The following DENND1B variants were observed in gnomAD, a reference collection of about 807,000 sequenced individuals.
DENND1B encodes DENN domain containing 1B.
DENND1B carries 59 observed loss-of-function variants against 90.1 expected under a neutral mutation model. The observed-to-expected ratio is 0.65, with a 90% CI of 0.53 to 0.81. DENND1B has a LOEUF of 0.81. Among genes scored for constraint, DENND1B ranks in the 40% least tolerant of loss-of-function variants. The pLI, the probability that DENND1B is intolerant of heterozygous loss-of-function variation, is 0.00. For synonymous variants in DENND1B, 337 were observed against 324.6 expected (o/e 1.04, Z -0.41); for missense variants, 862 against 912.6 (o/e 0.94, Z 0.71).
At chr1:197,578,547 A>C (rs1009016590) in intron 15 of DENND1B, among the ~76,000 whole-genome samples, 4 of 152,126 alleles carry the variant, frequency 2.6e-5, no homozygotes, top group African/African-American at 9.7e-5. Context: ...GCCCGGCCTA[A>C]AAAAGTAGAT....
intron 9 of DENND1B, 59 bp downstream of exon 9, chr1:197,645,631 A>C: frequency 9.1e-7 from 1 of 1,103,832 alleles, no homozygotes. Flanking sequence ...AAACAGTGAG[A>C]CCAAAATAAA....
Position 197,665,934 on chromosome 1 carries a change from T to C in DENND1B, c.296+6103A>G, listed in dbSNP as rs1654895256. 2.6e-5 allele frequency among the ~76,000 whole-genome samples: 4 copies of C among 152,276 alleles called. No homozygotes were observed. The South Asian group carries it at 8.3e-4, about 32-fold the overall frequency. On this transcript the variant is annotated intron_variant, in intron 5 of 22. Transcript: ENST00000620048. ...ATCTTAATTCCTTTGCTTCTGACAATGAACTCTGGATAATCAAGCCATTAT... is the reference window on the plus strand; with the variant it reads ...ATCTTAATTCCTTTGCTTCTGACAACGAACTCTGGATAATCAAGCCATTAT...
intron 5 of DENND1B, among the ~76,000 whole-genome samples, chr1:197,666,295 C>A (rs1222784812): frequency 6.6e-6 from 1 of 152,146 alleles, no homozygotes; most frequent in African/African-American, 2.4e-5. Context: ...ATTCATTTTG[C>A]AAACTGTGAA....
At chr1:197,718,594 T>C (rs551832768) in intron 2 of DENND1B, among the ~76,000 whole-genome samples, 1 of 152,018 alleles carries the variant, frequency 6.6e-6, no homozygotes, top group Non-Finnish European at 1.5e-5. Context: ...ATTTTTATGA[T>C]ACTAGAAGAA....
chr1:197,746,082 T>C (rs189761165), intron 2 of DENND1B, among the ~76,000 whole-genome samples: 1 of 152,290 alleles, frequency 6.6e-6, no homozygotes, highest in African/African-American at 2.4e-5. Flanking sequence ...AAACGTGTAG[T>C]TACACTGGAT....
chr1:197,535,010 C>T (rs897489265), intron 20 of DENND1B, among the ~76,000 whole-genome samples: 1 of 152,150 alleles, frequency 6.6e-6, no homozygotes, highest in Non-Finnish European at 1.5e-5. Flanking sequence ...GAAAAGTGAA[C>T]CAAAGAAGCT....
chr1:197,716,656 A>G (rs1660675668), intron 2 of DENND1B, among the ~76,000 whole-genome samples: 1 of 151,968 alleles, frequency 6.6e-6, no homozygotes, highest in Non-Finnish European at 1.5e-5. Context: ...TTATCTTCAT[A>G]AAGTAATACA....
In DENND1B at chr1:197,602,828, G is replaced by C. The variant is rs554626077; in HGVS notation, c.921+4245C>G. Among the ~76,000 whole-genome samples, 136 of 151,452 alleles carry C rather than the reference G, an allele frequency of 9.0e-4. 1 individual carries two copies. Among genetic ancestry groups the C allele is most frequent in the African/African-American group, 3.0e-3 (124 of 41,440 alleles). ...CTTGAATGTAGATATTCAAATATTT[G>C]ATATCAGAATTTTAGAGGTTTTCTC... On this transcript the variant is annotated intron_variant, in intron 13 of 22. Coordinates refer to ENST00000620048, the MANE Select transcript of DENND1B (RefSeq NM_001195215.2).
At chr1:197,644,588 C>T (rs1427093898) in intron 9 of DENND1B, among the ~76,000 whole-genome samples, 1 of 151,900 alleles carries the variant, frequency 6.6e-6, no homozygotes, top group African/African-American at 2.4e-5. Context: ...ACCTGGCCTA[C>T]AGTGTACAGC....
intron 18 of DENND1B, among the ~76,000 whole-genome samples, chr1:197,544,709 G>T (rs1362320201): frequency 9.5e-6 from 1 of 105,636 alleles, no homozygotes; most frequent in Non-Finnish European, 2.5e-5. Context: ...TGAAGATGAA[G>T]AGGAAGAGGA....
chr1:197,561,119 G>A (rs1040910027), intron 15 of DENND1B, among the ~76,000 whole-genome samples: 2 of 151,588 alleles, frequency 1.3e-5, no homozygotes, highest in Non-Finnish European at 2.9e-5. Context: ...TTCTTCTCTT[G>A]ACCCCACTTA....
At chr1:197,699,715 C>T (rs1658827267) in intron 3 of DENND1B, among the ~76,000 whole-genome samples, 2 of 152,166 alleles carry the variant, frequency 1.3e-5, no homozygotes, top group South Asian at 4.1e-4. Context: ...TCAGCAAAGT[C>T]TCAGGATACA....
At chr1:197,619,348 C>T (rs944065108) in intron 10 of DENND1B, among the ~76,000 whole-genome samples, 9 of 151,222 alleles carry the variant, frequency 6.0e-5, no homozygotes, top group Non-Finnish European at 1.3e-4. Flanking sequence ...TCTCCAAGAG[C>T]TCTCAGGTAC....
chr1:197,557,170 C>T (rs1043081968), intron 15 of DENND1B, among the ~76,000 whole-genome samples: 13 of 151,892 alleles, frequency 8.6e-5, no homozygotes, highest in Non-Finnish European at 1.6e-4. Context: ...GACTTGCACA[C>T]ATTTGTAACA....
Position 197,585,209 on chromosome 1 carries a change from C to T in DENND1B, c.1048-1956G>A, listed in dbSNP as rs6703514. Among the ~76,000 whole-genome samples, 898 of 152,238 alleles carry T rather than the reference C, an allele frequency of 5.9e-3. 13 individuals carry two copies. Among genetic ancestry groups the T allele is most frequent in the African/African-American group, 0.02 (840 of 41,540 alleles). ...TGGGAGCCCGATAAATGTTTTATGACTGAATTTTAAAAATAAAATAAAAAT... is the reference window on the plus strand; with the variant it reads ...TGGGAGCCCGATAAATGTTTTATGATTGAATTTTAAAAATAAAATAAAAAT... On this transcript the variant is annotated intron_variant, in intron 14 of 22. Transcript: ENST00000620048.
chr1:197,587,073 T>C (rs369720880), intron 14 of DENND1B, among the ~76,000 whole-genome samples: 2 of 152,194 alleles, frequency 1.3e-5, no homozygotes, highest in Admixed American at 6.5e-5. Flanking sequence ...CATGAAGATA[T>C]GTAGCACAAA....
chr1:197,687,828 T>C (rs1431325108), intron 3 of DENND1B, among the ~76,000 whole-genome samples: 1 of 151,904 alleles, frequency 6.6e-6, no homozygotes, highest in East Asian at 1.9e-4. Flanking sequence ...AATTCGGCAA[T>C]AAAAAGAAAT....
At chr1:197,635,964 T>C (rs1679749990) in intron 10 of DENND1B, among the ~76,000 whole-genome samples, 1 of 149,742 alleles carries the variant, frequency 6.7e-6, no homozygotes, top group African/African-American at 2.5e-5. Flanking sequence ...AGTGACTGAC[T>C]GAACAAGATT....
At chr1:197,623,714 T>C (rs1471007323) in intron 10 of DENND1B, among the ~76,000 whole-genome samples, 3 of 151,538 alleles carry the variant, frequency 2.0e-5, no homozygotes, top group Admixed American at 6.6e-5. Flanking sequence ...CACTGGTACA[T>C]TGTTACAGTC....
Sources: gnomAD v4.1 joint callset for allele counts (sites outside exome capture counted in the v4.1 genomes callset) on GRCh38, gnomAD v4.1.1 for gene constraint, MANE v1.5 for transcripts, NCBI Gene and HGNC (gene_info 2026-07-23, HGNC 2026-07-21) for gene names.